The following PCCA variants were observed in gnomAD, a reference collection of about 807,000 sequenced individuals.
PCCA encodes propionyl-CoA carboxylase alpha chain, mitochondrial.
In PCCA, 74 loss-of-function variants were observed where a neutral mutation model predicts 101.3. The ratio of observed to expected loss-of-function variants is 0.73; its 90% CI spans 0.61 to 0.89. The LOEUF (loss-of-function observed/expected upper bound fraction) is 0.89, where lower values mean the gene tolerates loss of function less well. PCCA is among the 40% of genes least tolerant of loss of function. The pLI, the probability that PCCA is intolerant of heterozygous loss-of-function variation, is 0.00. For missense variants in PCCA, 891 were observed against 907.0 expected, an observed-to-expected ratio of 0.98 and a Z score of 0.23; for synonymous variants, 294 against 313.6, an observed-to-expected ratio of 0.94 and a Z score of 0.66.
intron 18 of PCCA, among the ~76,000 whole-genome samples, chr13:100,351,551 A>G (rs955005670): frequency 1.3e-5 from 2 of 152,090 alleles, no homozygotes; most frequent in South Asian, 2.1e-4. Flanking sequence ...GCTTTTTTCT[A>G]TATTTGTATA....
intron 21 of PCCA, among the ~76,000 whole-genome samples, chr13:100,464,008 G>C (rs535392476): frequency 3.3e-5 from 5 of 152,266 alleles, no homozygotes; most frequent in Non-Finnish European, 7.4e-5. Flanking sequence ...CGCGTGTATG[G>C]TGCTTTAGGG....
chr13:100,103,782 C>T (rs952063010), intron 2 of PCCA, among the ~76,000 whole-genome samples: 2 of 151,622 alleles, frequency 1.3e-5, no homozygotes, highest in Admixed American at 6.6e-5. Context: ...ATTACAGGTG[C>T]GCCCCACCAC....
At chr13:100,110,251 T>C (rs2048189671) in intron 2 of PCCA, among the ~76,000 whole-genome samples, 1 of 152,224 alleles carries the variant, frequency 6.6e-6, no homozygotes, top group Non-Finnish European at 1.5e-5. Flanking sequence ...TGTAGTTCCG[T>C]TGAACTTAAA....
intron 21 of PCCA, among the ~76,000 whole-genome samples, chr13:100,472,131 C>G (rs979670183): frequency 2.6e-5 from 4 of 152,190 alleles, no homozygotes; most frequent in African/African-American, 9.7e-5. Flanking sequence ...AGCGCGAATT[C>G]CTGGCGGCTC....
chr13:100,243,784 G>A (rs4771358), intron 8 of PCCA, among the ~76,000 whole-genome samples: 66,028 of 152,016 alleles, frequency 0.43, 15,088 homozygotes, highest in East Asian at 0.75. Flanking sequence ...CTGTCTCTGC[G>A]TAGTGTGTGG....
chr13:100,107,320 T>C (rs1232816084), intron 2 of PCCA, among the ~76,000 whole-genome samples: 1 of 152,198 alleles, frequency 6.6e-6, no homozygotes, highest in Non-Finnish European at 1.5e-5. Context: ...GTAGCTTGCT[T>C]GGATCAAGAC....
intron 10 of PCCA, among the ~76,000 whole-genome samples, chr13:100,266,253 A>G (rs2062927698): frequency 6.6e-6 from 1 of 152,174 alleles, no homozygotes; most frequent in Admixed American, 6.5e-5. Context: ...GTCCCCAGCA[A>G]CCAGACCATT....
chr13:100,330,647 G>T lies in PCCA; in HGVS notation c.1516G>T (p.Asp506Tyr). 6.2e-6 allele frequency: 10 copies of T among 1,607,286 alleles called. No homozygotes were observed. The highest frequency in any genetic ancestry group is 7.7e-6 in the Non-Finnish European group (9 of 1,174,030). Residue 506 changes from aspartate to tyrosine, a missense_variant, in exon 17 of 24, where the codon GAT (aspartate) becomes TAT (tyrosine). Physicochemically the swap from Asp to Tyr is radical, Grantham distance 160. Coordinates refer to ENST00000376285, the MANE Select transcript of PCCA (RefSeq NM_000282.4). ...AGACATCAGCACTAAATTTCTCTCC[G>T]ATGTGTATCCTGATGGCTTCAAAGG... ...KGDISTKFLS[D>Y]VYPDGFKGHM...
intron 6 of PCCA, among the ~76,000 whole-genome samples, chr13:100,206,692 A>T (rs2058873741): frequency 6.6e-6 from 1 of 152,168 alleles, no homozygotes; most frequent in Admixed American, 6.5e-5. Context: ...GCACCTTGGC[A>T]TATAAGCTGA....
intron 7 of PCCA, among the ~76,000 whole-genome samples, chr13:100,217,069 A>G (rs891772242): frequency 6.6e-6 from 1 of 151,886 alleles, no homozygotes; most frequent in Non-Finnish European, 1.5e-5. Context: ...AGATCACGCC[A>G]TTGCACTCCA....
intron 19 of PCCA, among the ~76,000 whole-genome samples, chr13:100,374,051 G>A (rs2075748584): frequency 6.6e-6 from 1 of 152,136 alleles, no homozygotes; most frequent in Non-Finnish European, 1.5e-5. Context: ...GATGGAGGTT[G>A]CAGTGAGCTG....
chr13:100,492,425 A>G (rs946993630), intron 21 of PCCA, among the ~76,000 whole-genome samples: 1 of 151,950 alleles, frequency 6.6e-6, no homozygotes, highest in African/African-American at 2.4e-5. Context: ...TGAGCCGCCG[A>G]GCCCGGTGGA....
intron 18 of PCCA, among the ~76,000 whole-genome samples, chr13:100,365,583 T>A (rs2075081868): frequency 1.3e-5 from 2 of 152,216 alleles, no homozygotes; most frequent in Non-Finnish European, 2.9e-5. Context: ...TCTCTTGAGT[T>A]TATGCTATAA....
intron 4 of PCCA, among the ~76,000 whole-genome samples, chr13:100,148,496 A>T (rs908767829): frequency 7.0e-6 from 1 of 143,300 alleles, no homozygotes. Flanking sequence ...AGCTACACTG[A>T]CATGACTCTT....
At chr13:100,130,808 C>T (rs746418071) in intron 4 of PCCA, among the ~76,000 whole-genome samples, 2 of 152,182 alleles carry the variant, frequency 1.3e-5, no homozygotes, top group African/African-American at 4.8e-5. Flanking sequence ...CCAGGCTGCA[C>T]TGATGAAACT....
At chr13:100,272,665 C>T (rs1004689734) in intron 11 of PCCA, among the ~76,000 whole-genome samples, 24 of 152,110 alleles carry the variant, frequency 1.6e-4, no homozygotes, top group Non-Finnish European at 5.9e-5. Flanking sequence ...GAGAGCATCA[C>T]CTTGTTCAGC....
chr13:100,503,787 G>A (rs935196838), intron 21 of PCCA, among the ~76,000 whole-genome samples: 13 of 152,038 alleles, frequency 8.6e-5, no homozygotes, highest in African/African-American at 3.1e-4. Flanking sequence ...ATGTGCCTAT[G>A]GTCTCAGCTA....
At chr13:100,470,696 A>G (rs1406513429) in intron 21 of PCCA, among the ~76,000 whole-genome samples, 7 of 152,100 alleles carry the variant, frequency 4.6e-5, no homozygotes, top group Non-Finnish European at 1.0e-4. Flanking sequence ...AAAAATAAAA[A>G]TATGAAAACT....
At chr13:100,242,809 A>C (rs1356677818) in intron 8 of PCCA, among the ~76,000 whole-genome samples, 2 of 152,138 alleles carry the variant, frequency 1.3e-5, no homozygotes, top group Non-Finnish European at 2.9e-5. Context: ...ATAGTATAGG[A>C]TTCTCTGCAA....
Sources: gnomAD v4.1 joint callset for allele counts (sites outside exome capture counted in the v4.1 genomes callset) on GRCh38, gnomAD v4.1.1 for gene constraint, MANE v1.5 for transcripts, NCBI Gene and HGNC (gene_info 2026-07-23, HGNC 2026-07-21) for gene names.